Variants in PEPD observed in about 807,000 individuals in gnomAD.
The protein encoded by PEPD is peptidase D, also known as xaa-Pro dipeptidase.
PEPD carries 53 observed loss-of-function variants against 60.7 expected under a neutral mutation model. That is an observed-to-expected ratio of 0.87 (90% CI 0.70 to 1.10). PEPD has a LOEUF of 1.10. Ranked by LOEUF, PEPD falls within the 50% of genes least tolerant of loss-of-function variation. The pLI is 0.00. For synonymous variants in PEPD, 267 were observed against 284.1 expected (o/e 0.94, Z 0.60); for missense variants, 711 against 711.9 (o/e 1.00, Z 0.01).
chr19:33,441,680 G>C (rs561357220), intron 9 of PEPD, among the ~76,000 whole-genome samples: 18 of 152,162 alleles, frequency 1.2e-4, no homozygotes, highest in Admixed American at 2.0e-4. Flanking sequence ...ATGGCCCCTG[G>C]CTTCCTGGCT....
At chr19:33,394,027 G>T (rs888341595) in intron 12 of PEPD, among the ~76,000 whole-genome samples, 2 of 152,248 alleles carry the variant, frequency 1.3e-5, no homozygotes, top group Non-Finnish European at 2.9e-5. Flanking sequence ...GCCGTCCCCT[G>T]GACGGATCTG....
chr19:33,507,642 G>A (rs1302980466), intron 3 of PEPD, among the ~76,000 whole-genome samples: 2 of 152,214 alleles, frequency 1.3e-5, no homozygotes, highest in African/African-American at 4.8e-5. Flanking sequence ...AAGGTCAAAT[G>A]TGAAGTCTGG....
intron 7 of PEPD, among the ~76,000 whole-genome samples, chr19:33,467,168 A>AAAAG (rs1452916450): frequency 6.6e-6 from 1 of 150,490 alleles, no homozygotes; most frequent in East Asian, 1.9e-4. Flanking sequence ...AAAAAAAAAA[A>AAAAG]AAAGAAAGAA....
intron 6 of PEPD, among the ~76,000 whole-genome samples, chr19:33,488,476 C>G (rs1336347795): frequency 1.3e-5 from 2 of 152,140 alleles, no homozygotes; most frequent in East Asian, 3.9e-4. Flanking sequence ...TGGGGGGATT[C>G]AGGGAGTCCC....
intron 13 of PEPD, 85 bp downstream of exon 13, chr19:33,391,210 C>T (rs1968209546): frequency 9.1e-7 from 1 of 1,093,416 alleles, no homozygotes; most frequent in South Asian, 1.3e-5. Context: ...ACGCCTGCTG[C>T]CTCCTAGAGT....
At chr19:33,459,917 A>C (rs1052126975) in intron 9 of PEPD, among the ~76,000 whole-genome samples, 14 of 152,172 alleles carry the variant, frequency 9.2e-5, no homozygotes, top group Non-Finnish European at 5.9e-5. Flanking sequence ...CAGAAAGTCC[A>C]GCAGGTCTTA....
intron 9 of PEPD, among the ~76,000 whole-genome samples, chr19:33,450,242 T>G (rs1383492822): frequency 1.3e-5 from 2 of 152,232 alleles, no homozygotes; most frequent in Non-Finnish European, 2.9e-5. Flanking sequence ...AGCCCCGGCT[T>G]GTGCCCCTTC....
chr19:33,521,284 G>A (rs902665245), intron 1 of PEPD, among the ~76,000 whole-genome samples: 3 of 152,240 alleles, frequency 2.0e-5, no homozygotes, highest in Middle Eastern at 3.2e-3. Context: ...TAGATGGTTA[G>A]AGAAGGATTC....
intron 9 of PEPD, among the ~76,000 whole-genome samples, chr19:33,419,983 ACTCTCT>A (rs1373655681): frequency 6.6e-6 from 1 of 151,954 alleles, no homozygotes; most frequent in Non-Finnish European, 1.5e-5. Context: ...GGAGCAGCTC[ACTCTCT>A]CTCTGAGAGC....
At chr19:33,479,250 A>C (rs929640788) in intron 6 of PEPD, among the ~76,000 whole-genome samples, 1 of 152,208 alleles carries the variant, frequency 6.6e-6, no homozygotes, top group Non-Finnish European at 1.5e-5. Flanking sequence ...AAAAAAATCA[A>C]ACACAAAAAA....
intron 3 of PEPD, among the ~76,000 whole-genome samples, chr19:33,505,240 C>T (rs1049864710): frequency 5.9e-5 from 9 of 152,090 alleles, no homozygotes; most frequent in Admixed American, 2.6e-4. Context: ...GCTGCCTCGC[C>T]GACTCTCACT....
intron 2 of PEPD, 196 bp from the exon 3 acceptor site, chr19:33,511,351 G>A (rs1287406157): frequency 1.7e-6 from 1 of 600,454 alleles, no homozygotes; most frequent in African/African-American, 1.8e-5. Context: ...GGGCAGCCTG[G>A]CAGCTCCTCT....
At chr19:33,506,218 C>A (rs1970804452) in intron 3 of PEPD, among the ~76,000 whole-genome samples, 1 of 143,616 alleles carries the variant, frequency 7.0e-6, no homozygotes, top group African/African-American at 2.6e-5. Flanking sequence ...ACCCTACACA[C>A]TACACACACA....
intron 11 of PEPD, among the ~76,000 whole-genome samples, chr19:33,403,476 G>C (rs890662215): frequency 3.3e-5 from 5 of 152,304 alleles, no homozygotes; most frequent in African/African-American, 1.2e-4. Context: ...TCCGTCACGA[G>C]GGCCTCTCAC....
At chr19:33,439,084 G>A (rs186946668) in intron 9 of PEPD, among the ~76,000 whole-genome samples, 9 of 152,376 alleles carry the variant, frequency 5.9e-5, no homozygotes, top group African/African-American at 2.2e-4. Context: ...CAGTGCAGAA[G>A]TGGCTGCCCA....
At chr19:33,501,815 G>A (rs1006671799) in intron 3 of PEPD, among the ~76,000 whole-genome samples, 4 of 152,092 alleles carry the variant, frequency 2.6e-5, no homozygotes, top group African/African-American at 4.8e-5. Context: ...CAATCTTCCT[G>A]CCTCAGCCTC....
At chr19:33,445,660 T>C (rs1434708780) in intron 9 of PEPD, among the ~76,000 whole-genome samples, 1 of 152,196 alleles carries the variant, frequency 6.6e-6, no homozygotes, top group Non-Finnish European at 1.5e-5. Context: ...TTCTGTTGCT[T>C]AGGCCACCAA....
At chr19:33,514,325 G>A (rs760095062) in intron 1 of PEPD, among the ~76,000 whole-genome samples, 8 of 151,774 alleles carry the variant, frequency 5.3e-5, no homozygotes, top group Admixed American at 1.3e-4. Context: ...AGCACAGCAC[G>A]GTGAAGTGGT....
chr19:33,482,325 T>C (rs889838672), intron 6 of PEPD, among the ~76,000 whole-genome samples: 1 of 152,124 alleles, frequency 6.6e-6, no homozygotes. Flanking sequence ...ATCATATTAA[T>C]AGAACACATA....
Sources: gnomAD v4.1 joint callset for allele counts (sites outside exome capture counted in the v4.1 genomes callset) on GRCh38, gnomAD v4.1.1 for gene constraint, MANE v1.5 for transcripts, NCBI Gene and HGNC (gene_info 2026-07-23, HGNC 2026-07-21) for gene names.